PLD5: variants seen among roughly 807,000 people sequenced by gnomAD.
PLD5 encodes the protein phospholipase D family member 5, also known as inactive phospholipase D5.
In PLD5, 36 loss-of-function variants were observed where a neutral mutation model predicts 61.1. That is an observed-to-expected ratio of 0.59 (90% CI 0.45 to 0.78). The LOEUF (loss-of-function observed/expected upper bound fraction) is 0.78. PLD5 is among the 30% of genes least tolerant of loss of function. The pLI is 0.00. For missense variants in PLD5, 515 were observed against 644.4 expected (o/e 0.80, Z 2.17); for synonymous variants, 243 against 242.8 (o/e 1.00, Z -0.01).
chr1:242,431,873 G>A (rs1665736001), intron 1 of PLD5, among the ~76,000 whole-genome samples: 1 of 152,196 alleles, frequency 6.6e-6, no homozygotes, highest in African/African-American at 2.4e-5. Flanking sequence ...TATAAAGTTA[G>A]AGAAGGTCTC....
At chr1:242,189,112 G>A (rs1346984469) in intron 5 of PLD5, among the ~76,000 whole-genome samples, 1 of 152,164 alleles carries the variant, frequency 6.6e-6, no homozygotes, top group Non-Finnish European at 1.5e-5. Flanking sequence ...CATAGTCTGT[G>A]GTAAGCAGGC....
At chr1:242,100,808 G>A (rs1309435508) in intron 8 of PLD5, 26 bp from the exon 9 acceptor site, 2 of 1,475,546 alleles carry the variant, frequency 1.4e-6, no homozygotes, top group Non-Finnish European at 1.9e-6. Flanking sequence ...AAAGGGGGCA[G>A]GTAAATAAGA....
chr1:242,270,289 A>G (rs1166833076), intron 3 of PLD5, among the ~76,000 whole-genome samples: 4 of 151,178 alleles, frequency 2.6e-5, no homozygotes, highest in Admixed American at 1.3e-4. Flanking sequence ...GAGAACCTTC[A>G]GGATACTGAG....
intron 6 of PLD5, among the ~76,000 whole-genome samples, chr1:242,122,252 ACTCT>A (rs960118530): frequency 6.6e-6 from 1 of 151,906 alleles, no homozygotes; most frequent in African/African-American, 2.4e-5. Flanking sequence ...GCCTGAGACC[ACTCT>A]CTCTGGGAAA....
intron 5 of PLD5, among the ~76,000 whole-genome samples, chr1:242,219,037 A>G (rs1670395762): frequency 6.6e-6 from 1 of 152,214 alleles, no homozygotes; most frequent in African/African-American, 2.4e-5. Flanking sequence ...ATTTCACTGG[A>G]CAACTTCACA....
intron 5 of PLD5, among the ~76,000 whole-genome samples, chr1:242,193,085 T>G (rs1000156687): frequency 6.6e-6 from 1 of 152,182 alleles, no homozygotes; most frequent in East Asian, 1.9e-4. Flanking sequence ...AACACCCTGT[T>G]TATTCTATTC....
At chr1:242,476,634 A>G (rs1667605041) in intron 1 of PLD5, among the ~76,000 whole-genome samples, 1 of 152,216 alleles carries the variant, frequency 6.6e-6, no homozygotes. Context: ...TAAGAGCTCA[A>G]AACACTTCCA....
chr1:242,245,835 G>T (rs777691655), intron 4 of PLD5, among the ~76,000 whole-genome samples: 3 of 152,082 alleles, frequency 2.0e-5, no homozygotes, highest in Non-Finnish European at 4.4e-5. Context: ...CTTCTCACCA[G>T]GTAGACCCAC....
intron 5 of PLD5, among the ~76,000 whole-genome samples, chr1:242,203,022 G>T (rs1669078616): frequency 6.6e-6 from 1 of 152,096 alleles, no homozygotes; most frequent in African/African-American, 2.4e-5. Flanking sequence ...GCAGCAACTA[G>T]CTCAGAAAGC....
At chr1:242,169,143 G>C (rs189639855) in intron 5 of PLD5, among the ~76,000 whole-genome samples, 32 of 152,160 alleles carry the variant, frequency 2.1e-4, no homozygotes, top group Non-Finnish European at 4.6e-4. Flanking sequence ...AAAGGGTATG[G>C]CTGGAAAGAT....
intron 2 of PLD5, among the ~76,000 whole-genome samples, chr1:242,336,410 TG>T (rs1659513679): frequency 6.6e-6 from 1 of 152,184 alleles, no homozygotes; most frequent in South Asian, 2.1e-4. Flanking sequence ...GGAACCTAAA[TG>T]TCTTTCAAAT....
At chr1:242,370,918 C>G (rs1393232515) in intron 1 of PLD5, among the ~76,000 whole-genome samples, 4 of 152,208 alleles carry the variant, frequency 2.6e-5, no homozygotes, top group Non-Finnish European at 5.9e-5. Context: ...AAAATAAGTC[C>G]AAGTTCTTTC....
At chr1:242,206,638 G>A (rs1669332348) in intron 5 of PLD5, among the ~76,000 whole-genome samples, 1 of 152,278 alleles carries the variant, frequency 6.6e-6, no homozygotes, top group Non-Finnish European at 1.5e-5. Context: ...AGAGAAAAGA[G>A]AATGGTATTA....
rs376670429 is a variant in PLD5 at position 242,479,999 on chromosome 1, C to T, written c.189+44089G>A. ...CTGGAAGGCACAGATTGCAGTAAGT[C>T]GAGATCGTGCCACTGCACTCCAGCC... On this transcript the variant is annotated intron_variant, in intron 1 of 9. Coordinates refer to ENST00000536534, the MANE Select transcript of PLD5 (RefSeq NM_001372062.1). Among the ~76,000 whole-genome samples, 18 of 150,380 alleles carry T rather than the reference C, an allele frequency of 1.2e-4. 1 individual carries two copies. Among genetic ancestry groups the T allele is most frequent in the South Asian group, 4.2e-4 (2 of 4,758 alleles).
chr1:242,523,795 A>C (rs1031336714), intron 1 of PLD5, among the ~76,000 whole-genome samples: 5 of 152,228 alleles, frequency 3.3e-5, no homozygotes, highest in Non-Finnish European at 4.4e-5. Flanking sequence ...CTCACTCTGC[A>C]CAGGCACCTC....
intron 4 of PLD5, among the ~76,000 whole-genome samples, chr1:242,249,948 C>T (rs930018744): frequency 2.0e-5 from 3 of 152,154 alleles, no homozygotes; most frequent in African/African-American, 7.2e-5. Context: ...CTCGTACCAT[C>T]AATTACTAAT....
chr1:242,140,559 C>T (rs1204983542), intron 5 of PLD5, among the ~76,000 whole-genome samples: 5 of 152,104 alleles, frequency 3.3e-5, no homozygotes, highest in Non-Finnish European at 4.4e-5. Flanking sequence ...ATCGCTTTAG[C>T]CCAGGGGGTT....
intron 1 of PLD5, among the ~76,000 whole-genome samples, chr1:242,494,880 G>C (rs60628191): frequency 7.3e-6 from 1 of 137,230 alleles, no homozygotes; most frequent in Non-Finnish European, 1.6e-5. Flanking sequence ...TTTCTTTTCT[G>C]TTTTTTTTTT....
intron 2 of PLD5, among the ~76,000 whole-genome samples, chr1:242,315,604 C>A (rs1412039034): frequency 6.6e-6 from 1 of 152,098 alleles, no homozygotes; most frequent in African/African-American, 2.4e-5. Context: ...TTGAGATCCT[C>A]AAGTCCTCAA....
Sources: allele counts gnomAD v4.1 joint callset (sites outside exome capture counted in the v4.1 genomes callset), GRCh38; gene constraint gnomAD v4.1.1; transcripts MANE v1.5; gene names NCBI Gene and HGNC (gene_info 2026-07-23, HGNC 2026-07-21).